The following ENOX1 variants were observed in gnomAD, a reference collection of about 807,000 sequenced individuals.
ENOX1 encodes ecto-NOX disulfide-thiol exchanger 1, also known as candidate growth-related and time keeping constitutive hydroquinone (NADH) oxidase.
A neutral mutation model predicts 82.5 loss-of-function variants in ENOX1; 42 were observed. The ratio of observed to expected loss-of-function variants is 0.51; its 90% CI spans 0.40 to 0.66. ENOX1 has a LOEUF of 0.66. Among genes scored for constraint, ENOX1 ranks in the 30% least tolerant of loss-of-function variants. ENOX1 has a pLI of 0.00. For synonymous variants in ENOX1, 271 were observed against 282.2 expected (o/e 0.96, Z 0.40); for missense variants, 608 against 811.6 (o/e 0.75, Z 3.05).
intron 2 of ENOX1, among the ~76,000 whole-genome samples, chr13:43,568,073 T>A (rs1240936928): frequency 1.3e-5 from 2 of 152,212 alleles, no homozygotes. Flanking sequence ...CAAAGCATAA[T>A]GCAAAAAATC....
chr13:43,694,161 A>G (rs1256916099), intron 1 of ENOX1, among the ~76,000 whole-genome samples: 3 of 152,158 alleles, frequency 2.0e-5, no homozygotes, highest in Non-Finnish European at 2.9e-5. Flanking sequence ...AGCCTGCTCA[A>G]TGGAGCAAGT....
intron 11 of ENOX1, among the ~76,000 whole-genome samples, chr13:43,308,833 C>G (rs1158240719): frequency 6.6e-6 from 1 of 152,206 alleles, no homozygotes; most frequent in Admixed American, 6.5e-5. Flanking sequence ...GCCACAGTGC[C>G]TGGTATTTGC....
intron 14 of ENOX1, among the ~76,000 whole-genome samples, chr13:43,245,897 A>G (rs1409942695): frequency 6.6e-6 from 1 of 152,146 alleles, no homozygotes; most frequent in African/African-American, 2.4e-5. Context: ...TCTTTAGACA[A>G]CTCCAAGAAC....
chr13:43,432,015 C>T (rs1444671142), intron 3 of ENOX1, among the ~76,000 whole-genome samples: 3 of 152,162 alleles, frequency 2.0e-5, no homozygotes, highest in Non-Finnish European at 4.4e-5. Flanking sequence ...GCCCATCCTA[C>T]GCCTGTTTAT....
chr13:43,223,085 A>G (rs1367200765), intron 16 of ENOX1, among the ~76,000 whole-genome samples: 1 of 152,230 alleles, frequency 6.6e-6, no homozygotes, highest in African/African-American at 2.4e-5. Context: ...CAAAATAAGA[A>G]CACATGATAG....
chr13:43,415,301 A>G (rs1594443947), intron 3 of ENOX1, among the ~76,000 whole-genome samples: 1 of 104,330 alleles, frequency 9.6e-6, no homozygotes, highest in South Asian at 3.7e-4. Flanking sequence ...GGAGAGGGGG[A>G]TGTGGCAGGG....
chr13:43,741,286 T>C (rs893899684), intron 1 of ENOX1, among the ~76,000 whole-genome samples: 1 of 152,140 alleles, frequency 6.6e-6, no homozygotes, highest in Non-Finnish European at 1.5e-5. Flanking sequence ...GGTTTCACCA[T>C]GTTGGCCAGG....
chr13:43,508,504 A>C (rs1034061256), intron 2 of ENOX1, among the ~76,000 whole-genome samples: 6 of 152,008 alleles, frequency 3.9e-5, no homozygotes, highest in Non-Finnish European at 8.8e-5. Flanking sequence ...TTAAAAAGGA[A>C]TCATTTGGTA....
chr13:43,240,736 A>G (rs2042781957), intron 14 of ENOX1, among the ~76,000 whole-genome samples: 1 of 152,182 alleles, frequency 6.6e-6, no homozygotes. Flanking sequence ...AATATTTTGG[A>G]GGAAGTAGGA....
intron 12 of ENOX1, among the ~76,000 whole-genome samples, chr13:43,290,689 A>G (rs1481957332): frequency 6.6e-6 from 1 of 152,186 alleles, no homozygotes; most frequent in Admixed American, 6.6e-5. Flanking sequence ...GCATCACGCA[A>G]TATTCCCATG....
intron 5 of ENOX1, among the ~76,000 whole-genome samples, chr13:43,391,439 C>T (rs2052768102): frequency 6.6e-6 from 1 of 152,118 alleles, no homozygotes; most frequent in South Asian, 2.1e-4. Flanking sequence ...TTACTCCAGA[C>T]CCATATATCC....
At chr13:43,453,173 T>C (rs149178583) in intron 3 of ENOX1, among the ~76,000 whole-genome samples, 357 of 152,316 alleles carry the variant, frequency 2.3e-3, no homozygotes, top group African/African-American at 7.9e-3. Context: ...GGGTCATGTC[T>C]AGGTGATTCT....
intron 2 of ENOX1, chr13:43,547,431 G>A (rs190304458): frequency 1.7e-4 from 26 of 152,300 alleles, no homozygotes; most frequent in Admixed American, 6.5e-4. Flanking sequence ...CAAGATACAT[G>A]TATAAGAGAA....
intron 3 of ENOX1, among the ~76,000 whole-genome samples, chr13:43,449,419 A>T (rs1231033873): frequency 2.0e-5 from 3 of 152,214 alleles, no homozygotes; most frequent in Admixed American, 2.0e-4. Flanking sequence ...TGGGGAGCAA[A>T]ATCCTGCTAC....
At chr13:43,566,271 GACT>G in intron 2 of ENOX1, among the ~76,000 whole-genome samples, 1 of 152,026 alleles carries the variant, frequency 6.6e-6, no homozygotes, top group African/African-American at 2.4e-5. Context: ...GCAATAATAA[GACT>G]ACATTTCTCT....
intron 2 of ENOX1, among the ~76,000 whole-genome samples, chr13:43,582,137 T>C (rs950205296): frequency 6.6e-6 from 1 of 152,004 alleles, no homozygotes; most frequent in Non-Finnish European, 1.5e-5. Context: ...ACTATCAATA[T>C]CTAACAAAAC....
chr13:43,506,076 A>G (rs1392089929), intron 2 of ENOX1, among the ~76,000 whole-genome samples: 1 of 151,904 alleles, frequency 6.6e-6, no homozygotes, highest in Non-Finnish European at 1.5e-5. Flanking sequence ...ATGCGGCATT[A>G]TTTCTGACGG....
intron 2 of ENOX1, among the ~76,000 whole-genome samples, chr13:43,571,145 C>T (rs2080159603): frequency 6.6e-6 from 1 of 152,156 alleles, no homozygotes; most frequent in Admixed American, 6.5e-5. Flanking sequence ...CTTTAAGCAG[C>T]CTGCCACAGC....
intron 1 of ENOX1, among the ~76,000 whole-genome samples, chr13:43,756,847 C>G (rs1950669505): frequency 6.6e-6 from 1 of 151,546 alleles, no homozygotes. Flanking sequence ...GGATATGTCA[C>G]AGGTAAATGT....
Sources: allele counts gnomAD v4.1 joint callset (sites outside exome capture counted in the v4.1 genomes callset), GRCh38; gene constraint gnomAD v4.1.1; transcripts MANE v1.5; gene names NCBI Gene and HGNC (gene_info 2026-07-23, HGNC 2026-07-21).